SLC4A2: variants seen among roughly 807,000 people sequenced by gnomAD.
SLC4A2 encodes solute carrier family 4 member 2, also known as anion exchange protein 2.
In SLC4A2, 36 loss-of-function variants were observed where a neutral mutation model predicts 115.0. The observed-to-expected ratio is 0.31, with a 90% CI of 0.24 to 0.41. The LOEUF (loss-of-function observed/expected upper bound fraction) is 0.41. Ranked by LOEUF, SLC4A2 falls within the 10% of genes least tolerant of loss-of-function variation. SLC4A2 has a pLI of 1.00. For synonymous variants in SLC4A2, 708 were observed against 708.3 expected (o/e 1.00, Z 0.01); for missense variants, 1,252 against 1,705.6 (o/e 0.73, Z 4.68).
In SLC4A2 at chr7:151,066,756, T is replaced by C; in HGVS notation, c.818T>C (p.Met273Thr). The C allele has an allele frequency of 6.4e-7, 1 of 1,571,114 alleles. No homozygotes were observed. The highest frequency in any genetic ancestry group is 1.2e-5 in the South Asian group (1 of 86,220). Reference protein sequence around the residue: ...QTLATADLDLMKSHRFEDVPG... With the variant: ...QTLATADLDLTKSHRFEDVPG... ...CTGGCCACGGCCGACCTAGACCTCA[T>C]GAAGAGTAAGTGCTGGGCCTTGGCC... The change falls in exon 6 of 23, where the codon ATG becomes ACG. Residue 273 changes from methionine (M) to threonine (T), a missense_variant. Met to Thr is a moderately conservative substitution (Grantham distance 81). Transcript: ENST00000413384.
At chr7:151,067,655 GTAT>G (rs1797280802) in intron 7 of SLC4A2, among the ~76,000 whole-genome samples, 1 of 152,188 alleles carries the variant, frequency 6.6e-6, no homozygotes, top group African/African-American at 2.4e-5. Context: ...TTTGAGGTGG[GTAT>G]TATTCCCATT....
Position 151,066,497 on chromosome 7 carries a change from C to A in SLC4A2, c.579-20C>A. 6.7e-7 allele frequency: 1 copy of A among 1,483,574 alleles called. No individual in the cohort carries two copies. Among genetic ancestry groups the A allele is most frequent in the Non-Finnish European group, 8.9e-7 (1 of 1,117,646 alleles). The allele number at this position is 1,483,574 out of a possible 1,614,324, so 91.9% of individuals were successfully genotyped here. ...GAGGAGGCCAGGTTTCTCGGGCTCA[C>A]GGCCATTCTGTCTGCCTAGAACCCA... is the stretch of plus-strand genomic sequence containing the variant. On this transcript the variant is annotated intron_variant, in intron 5 of 22. Transcript: ENST00000413384.
Position 151,076,349 on chromosome 7 carries a change from G to A in SLC4A2, c.3708G>A (p.Glu1236=), listed in dbSNP as rs1159779981. The part of the protein sequence containing the change: ...DEREGVDEYN[E]MPMPV Reference sequence around the variant, plus strand: ...GGGAGGGTGTGGACGAGTACAATGAGATGCCCATGCCTGTGTAGCCGCCAC... The same window carrying A: ...GGGAGGGTGTGGACGAGTACAATGAAATGCCCATGCCTGTGTAGCCGCCAC... Residue 1236 remains glutamate, a synonymous_variant, in exon 23 of 23, where the codon GAG becomes GAA. Coordinates refer to ENST00000413384, the MANE Select transcript of SLC4A2 (RefSeq NM_003040.4). The A allele has an allele frequency of 3.3e-6, 5 of 1,518,712 alleles. No individual in the cohort carries two copies. Among genetic ancestry groups the A allele is most frequent in the African/African-American group, 1.4e-5 (1 of 71,746 alleles). 94.1% of individuals were successfully genotyped at this position (1,518,712 alleles called of 1,614,324 possible). A position where few individuals can be genotyped will look rare whatever the true frequency, so the allele number is the denominator to read the frequency against.
At chr7:151,063,067 G>A in intron 2 of SLC4A2, 1 of 1,510,980 alleles carries the variant, frequency 6.6e-7, no homozygotes, top group African/African-American at 1.4e-5. Flanking sequence ...GGGTGGGTGG[G>A]GGGCTGGACC....
At position 151,059,604 on chromosome 7, in the gene SLC4A2, GC is replaced by G. The variant is rs1796980499; in HGVS notation, c.-220del. 1 of 151,380 alleles carries G rather than the reference GC, an allele frequency of 6.6e-6. No individual in the cohort carries two copies. Among genetic ancestry groups the G allele is most frequent in the South Asian group, 2.1e-4 (1 of 4,818 alleles). 9.4% of individuals were successfully genotyped at this position (151,380 alleles called of 1,614,324 possible). A position where few individuals can be genotyped will look rare whatever the true frequency, so the allele number is the denominator to read the frequency against. On this transcript the variant is annotated 5_prime_UTR_variant, in exon 1 of 23. Coordinates refer to ENST00000413384, the MANE Select transcript of SLC4A2 (RefSeq NM_003040.4). The surrounding 1 kb of genome is among the most constrained non-coding windows in gnomAD (Gnocchi z 5.8). ...CGGGGGGCGCGCACGCAGGGGGCTG[GC>G]CTGCCCGCGGCGCGGGGGAAAGTTG... is the stretch of plus-strand genomic sequence containing the variant.
At chr7:151,075,837 C>CAGCTGGAGAGTGACCCAAGTAG in intron 21 of SLC4A2, 62 bp downstream of exon 21, 1 of 1,534,542 alleles carries the variant, frequency 6.5e-7, no homozygotes, top group Non-Finnish European at 8.9e-7. Flanking sequence ...CTACTTGGGT[C>CAGCTGGAGAGTGACCCAAGTAG]ACTCTCCAGC....
chr7:151,073,570 G>GT (rs1177293175), intron 16 of SLC4A2, among the ~76,000 whole-genome samples: 8 of 152,088 alleles, frequency 5.3e-5, no homozygotes, highest in Non-Finnish European at 1.2e-4. Context: ...TACCCGGCCT[G>GT]TTTTTTTATT....
chr7:151,073,484 G>A (rs926933889), intron 16 of SLC4A2, among the ~76,000 whole-genome samples: 1 of 151,826 alleles, frequency 6.6e-6, no homozygotes, highest in East Asian at 1.9e-4. Context: ...GGGAAGGCTG[G>A]TTTCGAACTC....
At position 151,071,813 on chromosome 7, in the gene SLC4A2, G is replaced by A. The variant is rs755662841; in HGVS notation, c.2316G>A (p.Leu772=). 15 of 1,606,624 alleles carry A rather than the reference G, an allele frequency of 9.3e-6. No homozygotes were observed. The highest frequency in any genetic ancestry group is 8.5e-7 in the Non-Finnish European group (1 of 1,178,022). Residue 772 remains leucine, a synonymous_variant, in exon 15 of 23, where the codon CTG becomes CTA. Coordinates refer to ENST00000413384, the MANE Select transcript of SLC4A2 (RefSeq NM_003040.4). This position sits in a 1 kb window ranked among gnomAD's most constrained non-coding sequence, Gnocchi z 5.5. ...LLVIGFSGPL[L]VFEEAFFSFC... The stretch of plus-strand genomic sequence containing the variant: ...TGATCGGCTTCTCAGGGCCCCTGCT[G>A]GTCTTTGAGGAGGCCTTCTTCTCGG...
chr7:151,063,212 G>A (rs1797114726), intron 2 of SLC4A2: 1 of 1,262,012 alleles, frequency 7.9e-7, no homozygotes. Context: ...GGGGTGGGGT[G>A]AGGGGTGGGG....
At position 151,074,277 on chromosome 7, in the gene SLC4A2, G is replaced by A. The variant is rs754671694; in HGVS notation, c.2774G>A (p.Arg925Gln). ...AFFLRKFKNS[R>Q]FFPGRIRRVI... ...TTCCTGCGCAAATTCAAGAACAGCC[G>A]GTTCTTTCCTGGCCGGGTGCGTGGG... The change falls in exon 17 of 23, where the codon CGG becomes CAG. Residue 925 changes from arginine (R) to glutamine (Q), a missense_variant. Physicochemically the swap from Arg to Gln is conservative, Grantham distance 43. Transcript: ENST00000413384. The A allele has an allele frequency of 3.7e-6, 6 of 1,610,164 alleles. No individual in the cohort carries two copies. The highest frequency in any genetic ancestry group is 1.7e-4 in the Middle Eastern group (1 of 6,056).
chr7:151,066,409 G>A, intron 5 of SLC4A2, 108 bp from the exon 6 acceptor site: 1 of 1,311,422 alleles, frequency 7.6e-7, no homozygotes, highest in East Asian at 2.6e-5. Flanking sequence ...GGAGCTAGGA[G>A]GGCCTGGAGT....
chr7:151,069,465 G>C (rs991966483), intron 8 of SLC4A2, among the ~76,000 whole-genome samples: 1 of 152,300 alleles, frequency 6.6e-6, no homozygotes, highest in East Asian at 1.9e-4. Flanking sequence ...GGGCGGAGGG[G>C]GGTCTTCAGA....
chr7:151,062,168 C>A, intron 2 of SLC4A2, 130 bp downstream of exon 2: 1 of 763,824 alleles, frequency 1.3e-6, no homozygotes, highest in Non-Finnish European at 2.2e-6. Context: ...ATGCTGCCAT[C>A]CCTACCCTGA....
rs1036937079 is a variant in SLC4A2 at position 151,060,207 on chromosome 7, G to A, written c.-64+445G>A. 0.022 allele frequency: 4 copies of A among 186 alleles called. No homozygotes were observed. Among genetic ancestry groups the A allele is most frequent in the Admixed American group, 0.33 (2 of 6 alleles). The allele number at this position is 186 out of a possible 1,614,324, so 0.0% of individuals were successfully genotyped here. ...CCAGGAAAGGCGGGTGGCGGGTAAG[G>A]TCGGACAAGGGGTCAGACAGAAGAG... On this transcript the variant is annotated intron_variant, in intron 1 of 22. Transcript: ENST00000413384. This position sits in a 1 kb window ranked among gnomAD's most constrained non-coding sequence, Gnocchi z 5.9.
At chr7:151,075,888 C>T (rs1797613530) in intron 21 of SLC4A2, 113 bp downstream of exon 21, 3 of 1,408,008 alleles carry the variant, frequency 2.1e-6, no homozygotes, top group Non-Finnish European at 2.9e-6. Flanking sequence ...CCCCCACCTC[C>T]TCTCTGTACC....
rs1485573924 is a variant in SLC4A2 at position 151,075,369 on chromosome 7, G to A, written c.3162G>A (p.Leu1054=). 3 of 1,612,308 alleles carry A rather than the reference G, an allele frequency of 1.9e-6. No individual in the cohort carries two copies. The highest frequency in any genetic ancestry group is 2.5e-6 in the Non-Finnish European group (3 of 1,180,018). Residue 1054 remains leucine, a synonymous_variant, in exon 20 of 23, where the codon TTG becomes TTA. Coordinates refer to ENST00000413384, the MANE Select transcript of SLC4A2 (RefSeq NM_003040.4). ...GICALFGLPW[L]AAATVRSVTH... ...GTGCCCTCTTTGGCCTGCCCTGGTT[G>A]GCTGCTGCCACTGTCCGCTCTGTCA...
At chr7:151,064,171 G>T in intron 2 of SLC4A2, 31 bp from the exon 3 acceptor site, 1 of 1,606,562 alleles carries the variant, frequency 6.2e-7, no homozygotes, top group Non-Finnish European at 8.5e-7. Context: ...AGTGAGCCCT[G>T]TGTGTTTTCT....
At chr7:151,064,433 CTGGGGTCCT>C in intron 3 of SLC4A2, 66 bp downstream of exon 3, 11 of 1,552,718 alleles carry the variant, frequency 7.1e-6, no homozygotes, top group Non-Finnish European at 8.8e-6. Flanking sequence ...AAAGAAGGGA[CTGGGGTCCT>C]AGTGGGAGGA....
Sources: allele counts gnomAD v4.1 joint callset (sites outside exome capture counted in the v4.1 genomes callset), GRCh38; gene constraint gnomAD v4.1.1; non-coding constraint Gnocchi (gnomAD v3.1); transcripts MANE v1.5; gene names NCBI Gene and HGNC (gene_info 2026-07-23, HGNC 2026-07-21).